GSG1L2: variants seen among roughly 807,000 people sequenced by gnomAD.
GSG1L2 encodes GSG1 like 2, also known as germ cell-specific gene 1-like protein 2.
GSG1L2 carries 15 observed loss-of-function variants against 9.0 expected under a neutral mutation model. That is an observed-to-expected ratio of 1.67 (90% CI 1.12 to 2.57). GSG1L2 has a LOEUF of 2.57. Ranked by LOEUF, GSG1L2 falls within the 30% of genes most tolerant of loss-of-function variation. GSG1L2 has a pLI of 0.00. For missense variants in GSG1L2, 286 were observed against 150.3 expected (o/e 1.90, Z -4.72); for synonymous variants, 127 against 57.9 (o/e 2.19, Z -5.41).
intron 1 of GSG1L2, among the ~76,000 whole-genome samples, chr17:9,811,619 A>G (rs2066539035): frequency 6.6e-6 from 1 of 152,154 alleles, no homozygotes; most frequent in African/African-American, 2.4e-5. Flanking sequence ...CACTCTCTCT[A>G]CTAACACGTC....
intron 4 of GSG1L2, among the ~76,000 whole-genome samples, chr17:9,806,995 A>C (rs778805269): frequency 2.6e-5 from 4 of 152,216 alleles, no homozygotes; most frequent in Non-Finnish European, 5.9e-5. Flanking sequence ...AATGTAAGTT[A>C]TGTACATCTA....
chr17:9,814,925 C>T (rs1378462274), intron 1 of GSG1L2, among the ~76,000 whole-genome samples: 2 of 152,176 alleles, frequency 1.3e-5, no homozygotes, highest in Non-Finnish European at 2.9e-5. Context: ...TTTGTGGATT[C>T]ACAAACTCAC....
At chr17:9,810,325 T>C (rs540157798) in intron 2 of GSG1L2, 10 of 567,200 alleles carry the variant, frequency 1.8e-5, no homozygotes, top group Middle Eastern at 4.7e-4. Context: ...ATTTACACCA[T>C]GGAACACGGC....
intron 2 of GSG1L2, chr17:9,809,271 G>A: frequency 2.5e-6 from 1 of 404,132 alleles, no homozygotes; most frequent in Non-Finnish European, 4.6e-6. Context: ...GGGTCTCCAT[G>A]CCCTAGCTCA....
intron 4 of GSG1L2, chr17:9,805,126 C>T (rs1302697457): frequency 1.3e-5 from 2 of 151,234 alleles, no homozygotes; most frequent in Non-Finnish European, 3.0e-5. Context: ...AATAATAAAC[C>T]CAAAAGACCT....
Position 9,821,200 on chromosome 17 carries a change from C to T in GSG1L2, c.310+562G>A, listed in dbSNP as rs531520078. ...GGGAAGAGTACTCTGTCCCTGAACG[C>T]GGGCTTACAGCCAGGCTGCCAAATA... On this transcript the variant is annotated intron_variant, in intron 1 of 4. Coordinates refer to ENST00000399363, the MANE Select transcript of GSG1L2 (RefSeq NM_001310219.2). Among the ~76,000 whole-genome samples, 9 of 152,254 alleles carry T rather than the reference C, an allele frequency of 5.9e-5. No individual in the cohort carries two copies. The South Asian group carries it at 1.2e-3, about 21-fold the overall frequency.
In GSG1L2 at chr17:9,820,635, G is replaced by A. The variant is rs527598569; in HGVS notation, c.310+1127C>T. ...CCACTGGGAGAGAGGGTGGAAGGGA[G>A]GGACATACAGCACCTCTGAGTGTTC... is the stretch of plus-strand genomic sequence containing the variant. On this transcript the variant is annotated intron_variant, in intron 1 of 4. Transcript: ENST00000399363. This position sits in a 1 kb window ranked among gnomAD's most constrained non-coding sequence, Gnocchi z 4.9. 2.0e-5 allele frequency among the ~76,000 whole-genome samples: 3 copies of A among 150,924 alleles called. No individual in the cohort carries two copies. The highest frequency in any genetic ancestry group is 2.1e-4 in the South Asian group (1 of 4,774).
intron 4 of GSG1L2, among the ~76,000 whole-genome samples, chr17:9,806,901 T>C (rs767206248): frequency 1.3e-5 from 2 of 152,164 alleles, no homozygotes; most frequent in Non-Finnish European, 2.9e-5. Context: ...AATCCTAGAA[T>C]AGTAGGGTGA....
intron 1 of GSG1L2, among the ~76,000 whole-genome samples, chr17:9,821,146 C>T (rs972505504): frequency 2.0e-5 from 3 of 152,138 alleles, no homozygotes; most frequent in African/African-American, 7.2e-5. Context: ...CCTTTTTCTG[C>T]CTTGGAGGTT....
intron 1 of GSG1L2, among the ~76,000 whole-genome samples, chr17:9,813,897 T>C (rs2152023910): frequency 1.3e-5 from 2 of 152,300 alleles, no homozygotes; most frequent in Middle Eastern, 6.8e-3. Context: ...AGGTCTCCAG[T>C]GAGAAAGTTG....
chr17:9,803,692 T>G (rs552520816), intron 4 of GSG1L2: 2 of 152,216 alleles, frequency 1.3e-5, no homozygotes, highest in African/African-American at 4.8e-5. Context: ...CTTGTATGTA[T>G]GCCAGGTGCT....
intron 3 of GSG1L2, among the ~76,000 whole-genome samples, chr17:9,808,345 TTGA>T (rs1252208022): frequency 6.6e-6 from 1 of 152,238 alleles, no homozygotes; most frequent in African/African-American, 2.4e-5. Context: ...GTACCAAATG[TTGA>T]TACTTTTTTT....
At chr17:9,807,089 C>G (rs2066518819) in intron 4 of GSG1L2, among the ~76,000 whole-genome samples, 2 of 152,146 alleles carry the variant, frequency 1.3e-5, no homozygotes, top group African/African-American at 4.8e-5. Flanking sequence ...CAGTTAGAGA[C>G]AGAATTCCCA....
Position 9,820,151 on chromosome 17 carries a change from G to A in GSG1L2, c.310+1611C>T, listed in dbSNP as rs1465593891. On this transcript the variant is annotated intron_variant, in intron 1 of 4. Coordinates refer to ENST00000399363, the MANE Select transcript of GSG1L2 (RefSeq NM_001310219.2). The surrounding 1 kb of genome is among the most constrained non-coding windows in gnomAD (Gnocchi z 4.9). Reference sequence around the variant, plus strand: ...AATACAGACCTCTAGACTCCACCCCGGCTCTCTTAAATTAGAACCTCCAGG... The same window carrying A: ...AATACAGACCTCTAGACTCCACCCCAGCTCTCTTAAATTAGAACCTCCAGG... Among the ~76,000 whole-genome samples, 1 of 151,942 alleles carries A rather than the reference G, an allele frequency of 6.6e-6. No individual in the cohort carries two copies. Among genetic ancestry groups the A allele is most frequent in the Admixed American group, 6.6e-5 (1 of 15,250 alleles).
intron 4 of GSG1L2, chr17:9,804,546 T>C (rs1354314618): frequency 1.3e-5 from 2 of 152,236 alleles, no homozygotes; most frequent in East Asian, 3.8e-4. Flanking sequence ...CAGCCAGGCA[T>C]GTGAGCTTAC....
intron 2 of GSG1L2, 55 bp from the exon 3 acceptor site, chr17:9,809,037 A>T (rs2066527772): frequency 1.4e-6 from 1 of 693,346 alleles, no homozygotes; most frequent in Admixed American, 2.0e-5. Flanking sequence ...AGAAATACTA[A>T]AATGTTCAAT....
intron 1 of GSG1L2, 74 bp downstream of exon 1, chr17:9,821,688 C>T (rs1293696080): frequency 3.0e-6 from 2 of 671,074 alleles, no homozygotes; most frequent in South Asian, 3.3e-5. Flanking sequence ...AGGATTCAAA[C>T]CCAGACAGCC....
At chr17:9,811,275 G>A (rs923325353) in intron 1 of GSG1L2, among the ~76,000 whole-genome samples, 1 of 152,152 alleles carries the variant, frequency 6.6e-6, no homozygotes, top group Non-Finnish European at 1.5e-5. Context: ...GGTGAGTCAC[G>A]CATTCGCTTG....
rs777244899 is a variant in GSG1L2 at position 9,802,260 on chromosome 17, G to C, written c.*126C>G. ...TGTTTAGTAAAAGGTGAGATGTGGA[G>C]GGGTGGGGATGGAAGCTTTCCCTGG... On this transcript the variant is annotated 3_prime_UTR_variant, in exon 5 of 5. Transcript: ENST00000399363. 7.0e-6 allele frequency: 4 copies of C among 569,520 alleles called. No homozygotes were observed. Among genetic ancestry groups the C allele is most frequent in the Non-Finnish European group, 1.3e-5 (4 of 319,604 alleles). 35.3% of individuals were successfully genotyped at this position (569,520 alleles called of 1,614,324 possible).
Sources: allele counts gnomAD v4.1 joint callset (sites outside exome capture counted in the v4.1 genomes callset), GRCh38; gene constraint gnomAD v4.1.1; non-coding constraint Gnocchi (gnomAD v3.1); transcripts MANE v1.5; gene names NCBI Gene and HGNC (gene_info 2026-07-23, HGNC 2026-07-21).